DARS2: variants seen among roughly 807,000 people sequenced by gnomAD.
DARS2 encodes the protein aspartate--tRNA ligase, mitochondrial.
Under a neutral mutation model 83.0 loss-of-function variants are expected in DARS2, and 63 were observed. The ratio of observed to expected loss-of-function variants is 0.76; its 90% CI spans 0.62 to 0.94. The LOEUF (loss-of-function observed/expected upper bound fraction) is 0.94. DARS2 is among the 40% of genes least tolerant of loss of function. DARS2 has a pLI of 0.00. For synonymous variants in DARS2, 250 were observed against 269.3 expected (o/e 0.93, Z 0.70); for missense variants, 675 against 774.4 (o/e 0.87, Z 1.52).
Position 173,840,936 on chromosome 1 carries a change from A to G in DARS2, c.1091A>G (p.His364Arg). The G allele has an allele frequency of 6.2e-7, 1 of 1,612,564 alleles. No individual in the cohort carries two copies. Among genetic ancestry groups the G allele is most frequent in the Non-Finnish European group, 8.5e-7 (1 of 1,178,580 alleles). ...CTTCAAGATGCACTTAGTAAGCCCC[A>G]TGGAACTGTGAAAGCCATATGTATC... The part of the protein sequence containing the change: ...GFLQDALSKP[H>R]GTVKAICIPE... Residue 364 changes from histidine to arginine, a missense_variant, in exon 11 of 17, where the codon CAT (histidine) becomes CGT (arginine). His to Arg is a conservative substitution (Grantham distance 29, BLOSUM62 0). Coordinates refer to ENST00000649689, the MANE Select transcript of DARS2 (RefSeq NM_018122.5).
At position 173,838,243 on chromosome 1, in the gene DARS2, A is replaced by T. The variant is rs754696080; in HGVS notation, c.824A>T (p.Gln275Leu). 5.0e-6 allele frequency: 8 copies of T among 1,613,624 alleles called. No individual in the cohort carries two copies. The highest frequency in any genetic ancestry group is 6.8e-6 in the Non-Finnish European group (8 of 1,179,560). Residue 275 changes from glutamine to leucine, a missense_variant, in exon 9 of 17, where the codon CAG becomes CTG. Physicochemically the swap from Gln to Leu is moderately radical, Grantham distance 113 (BLOSUM62 -2). Transcript: ENST00000649689. ...YRDEGSRPDR[Q>L]PEFTQIDIEM... Reference sequence around the variant, plus strand: ...GATGAAGGTTCAAGACCAGACAGACAGCCTGAGTTTACTCAGGTACAAAGT... The same window carrying T: ...GATGAAGGTTCAAGACCAGACAGACTGCCTGAGTTTACTCAGGTACAAAGT...
chr1:173,836,324 G>A (rs984179953), intron 7 of DARS2, among the ~76,000 whole-genome samples: 4 of 151,730 alleles, frequency 2.6e-5, no homozygotes, highest in South Asian at 2.1e-4. Flanking sequence ...GGCAGATCAC[G>A]AGGTCAGGAG....
At chr1:173,836,729 T>C (rs1422463409) in intron 7 of DARS2, among the ~76,000 whole-genome samples, 3 of 152,202 alleles carry the variant, frequency 2.0e-5, no homozygotes, top group African/African-American at 7.2e-5. Flanking sequence ...ACTTAACACC[T>C]ACCGTATACA....
intron 7 of DARS2, among the ~76,000 whole-genome samples, chr1:173,835,995 TG>T (rs1652989422): frequency 6.6e-6 from 1 of 151,714 alleles, no homozygotes; most frequent in East Asian, 2.0e-4. Flanking sequence ...AGGCAGAGGT[TG>T]TAATGAGCCA....
intron 15 of DARS2, among the ~76,000 whole-genome samples, chr1:173,856,344 A>T (rs1215455733): frequency 2.0e-5 from 3 of 152,036 alleles, no homozygotes; most frequent in Non-Finnish European, 4.4e-5. Context: ...GTGACAGGAG[A>T]GTTTCCTGCT....
intron 3 of DARS2, among the ~76,000 whole-genome samples, chr1:173,830,328 T>C (rs548383518): frequency 6.6e-6 from 1 of 152,206 alleles, no homozygotes; most frequent in Non-Finnish European, 1.5e-5. Context: ...TGCTATGGGA[T>C]TTAACTGCCC....
At chr1:173,836,529 G>A (rs1357374690) in intron 7 of DARS2, among the ~76,000 whole-genome samples, 2 of 149,370 alleles carry the variant, frequency 1.3e-5, no homozygotes, top group African/African-American at 4.9e-5. Context: ...GGTGACAAGA[G>A]CAAGATTCTG....
At chr1:173,831,138 A>G (rs957877922) in intron 4 of DARS2, among the ~76,000 whole-genome samples, 3 of 151,574 alleles carry the variant, frequency 2.0e-5, no homozygotes, top group Non-Finnish European at 4.4e-5. Flanking sequence ...GATGGTCACC[A>G]TCTCTTGACC....
At chr1:173,856,188 T>G (rs1653855185) in intron 15 of DARS2, among the ~76,000 whole-genome samples, 1 of 152,186 alleles carries the variant, frequency 6.6e-6, no homozygotes, top group African/African-American at 2.4e-5. Context: ...AAACACACTT[T>G]CAACATTTCT....
At chr1:173,847,490 T>C (rs913469794) in intron 12 of DARS2, among the ~76,000 whole-genome samples, 3 of 152,140 alleles carry the variant, frequency 2.0e-5, no homozygotes, top group Non-Finnish European at 4.4e-5. Flanking sequence ...TCCTGAACTT[T>C]TATATAAGAA....
At chr1:173,831,668 A>C (rs777963798) in intron 5 of DARS2, 38 bp downstream of exon 5, 6 of 1,485,404 alleles carry the variant, frequency 4.0e-6, no homozygotes, top group East Asian at 2.3e-5. Flanking sequence ...GAGTATCTAG[A>C]AAATGTTGAT....
chr1:173,846,029 G>C (rs1207788576), intron 12 of DARS2, among the ~76,000 whole-genome samples: 1 of 151,944 alleles, frequency 6.6e-6, no homozygotes, highest in Admixed American at 6.6e-5. Flanking sequence ...GTGGTGGCGC[G>C]GGCCTGTAGT....
chr1:173,836,709 G>A (rs992715935), intron 7 of DARS2, among the ~76,000 whole-genome samples: 1 of 152,072 alleles, frequency 6.6e-6, no homozygotes, highest in Non-Finnish European at 1.5e-5. Flanking sequence ...ATTCAATTCC[G>A]CAAGCATAAA....
Position 173,837,047 on chromosome 1 carries a change from G to T in DARS2, c.770+1G>T, listed in dbSNP as rs930388919. ...TTCTGATGGTTGGCGGTTTAGACAG[G>T]TGAGCTTTTTTTATGCTAGCAGTTG... On this transcript the variant is annotated splice_donor_variant, in intron 8 of 16. Transcript: ENST00000649689. LOFTEE classifies it high-confidence loss of function. 1.9e-6 allele frequency: 3 copies of T among 1,612,644 alleles called. No individual in the cohort carries two copies. The highest frequency in any genetic ancestry group is 2.7e-5 in the African/African-American group (2 of 74,862).
intron 8 of DARS2, among the ~76,000 whole-genome samples, chr1:173,837,899 G>A (rs928949781): frequency 2.0e-5 from 3 of 151,772 alleles, no homozygotes; most frequent in Non-Finnish European, 4.4e-5. Flanking sequence ...CTTGCCTCCC[G>A]AGTAGCTGGG....
chr1:173,844,768 C>A (rs1571990981), intron 11 of DARS2, among the ~76,000 whole-genome samples: 2 of 109,002 alleles, frequency 1.8e-5, no homozygotes, highest in Non-Finnish European at 3.7e-5. Flanking sequence ...CATTTGGTAG[C>A]AGAAATTGGA....
intron 1 of DARS2, among the ~76,000 whole-genome samples, chr1:173,826,223 C>CAAA (rs374688029): frequency 8.0e-6 from 1 of 124,614 alleles, no homozygotes; most frequent in Non-Finnish European, 1.8e-5. Context: ...GACTCCATCT[C>CAAA]AAAAAAAAAA....
chr1:173,828,442 G>A (rs1652674789), intron 3 of DARS2, 43 bp downstream of exon 3: 2 of 1,545,806 alleles, frequency 1.3e-6, no homozygotes, highest in Non-Finnish European at 8.9e-7. Context: ...CTTCTTTGAT[G>A]CTATTGCTGG....
At chr1:173,854,229 G>A (rs1030287864) in intron 15 of DARS2, among the ~76,000 whole-genome samples, 4 of 151,832 alleles carry the variant, frequency 2.6e-5, no homozygotes, top group Non-Finnish European at 1.5e-5. Context: ...CTCCTGCCTC[G>A]GCCTCCCAAA....
Sources: allele counts gnomAD v4.1 joint callset (sites outside exome capture counted in the v4.1 genomes callset), GRCh38; gene constraint gnomAD v4.1.1; transcripts MANE v1.5; gene names NCBI Gene and HGNC (gene_info 2026-07-23, HGNC 2026-07-21).